Variants in MKLN1 observed in about 807,000 individuals in gnomAD.
MKLN1 encodes muskelin 1, also known as muskelin.
MKLN1 carries 18 observed loss-of-function variants against 99.0 expected under a neutral mutation model. That is an observed-to-expected ratio of 0.18 (90% CI 0.13 to 0.27). The LOEUF (loss-of-function observed/expected upper bound fraction) is 0.27, where lower values mean the gene tolerates loss of function less well. Ranked by LOEUF, MKLN1 falls within the 10% of genes least tolerant of loss-of-function variation. The pLI is 1.00. For synonymous variants in MKLN1, 288 were observed against 293.2 expected, an observed-to-expected ratio of 0.98 and a Z score of 0.18; for missense variants, 621 against 875.9, an observed-to-expected ratio of 0.71 and a Z score of 3.67.
chr7:131,181,494 A>G (rs1796376259), intron 2 of MKLN1, among the ~76,000 whole-genome samples: 1 of 152,098 alleles, frequency 6.6e-6, no homozygotes. Context: ...GATCAAGTGA[A>G]GCCAGGTGTT....
Position 131,399,341 on chromosome 7 carries a change from T to C in MKLN1, c.611T>C (p.Leu204Pro). Residue 204 changes from leucine to proline, a missense_variant, in exon 6 of 18, where the codon CTG (leucine) becomes CCG (proline). Coordinates refer to ENST00000352689, the MANE Select transcript of MKLN1 (RefSeq NM_013255.5). ...ESLQKKTKIA[L>P]EHPMLTDIHD... ...CTGCAAAAGAAAACCAAGATTGCAC[T>C]GGAACATCCCATGTTAACAGATATT... 1 of 1,614,016 alleles carries C rather than the reference T, an allele frequency of 6.2e-7. No individual in the cohort carries two copies. Among genetic ancestry groups the C allele is most frequent in the South Asian group, 1.1e-5 (1 of 91,076 alleles).
At chr7:131,181,002 A>C (rs531790444) in intron 2 of MKLN1, among the ~76,000 whole-genome samples, 1 of 152,336 alleles carries the variant, frequency 6.6e-6, no homozygotes, top group African/African-American at 2.4e-5. Context: ...GAGTACAGCA[A>C]CACCCTTACA....
At chr7:131,306,822 C>G (rs1798473916) in intron 3 of MKLN1, among the ~76,000 whole-genome samples, 1 of 152,218 alleles carries the variant, frequency 6.6e-6, no homozygotes, top group Non-Finnish European at 1.5e-5. Flanking sequence ...GGGAGAAATT[C>G]AAGCTGCCAG....
intron 3 of MKLN1, among the ~76,000 whole-genome samples, chr7:131,210,542 A>G (rs562050724): frequency 2.2e-4 from 33 of 147,498 alleles, no homozygotes; most frequent in African/African-American, 6.8e-4. Context: ...CAAAAAATAA[A>G]CATACAAAAA....
chr7:131,441,555 A>G (rs1202748017), intron 10 of MKLN1, among the ~76,000 whole-genome samples: 1 of 152,168 alleles, frequency 6.6e-6, no homozygotes, highest in East Asian at 1.9e-4. Flanking sequence ...ACAGAGTTTA[A>G]TAAGTTTACT....
intron 2 of MKLN1, among the ~76,000 whole-genome samples, chr7:131,166,590 T>C (rs1796128520): frequency 6.6e-6 from 1 of 152,136 alleles, no homozygotes; most frequent in South Asian, 2.1e-4. Context: ...GGGTCTGTCT[T>C]AGGGCCTTTC....
intron 3 of MKLN1, among the ~76,000 whole-genome samples, chr7:131,303,691 A>G (rs1411812852): frequency 6.6e-6 from 1 of 152,204 alleles, no homozygotes; most frequent in Non-Finnish European, 1.5e-5. Context: ...AGGATGCATG[A>G]ATTTGGTGAG....
intron 3 of MKLN1, among the ~76,000 whole-genome samples, chr7:131,246,095 T>G (rs1797483384): frequency 6.6e-6 from 1 of 152,214 alleles, no homozygotes. Flanking sequence ...TATAACCTCC[T>G]TGGGGATGTC....
rs139749508 is a variant in MKLN1, at chr7:131,204,959, G to A, written c.-179+1985G>A. The stretch of plus-strand genomic sequence containing the variant: ...AAAAAAAAAAAAAAATTAGCTGGGT[G>A]TGGTGGTGGGCACCTGTAACCCTAG... On this transcript the variant is annotated intron_variant, in intron 3 of 7. Transcript: ENST00000416992. 3.5e-5 allele frequency among the ~76,000 whole-genome samples: 5 copies of A among 144,316 alleles called. No individual in the cohort carries two copies. In the Admixed American group the frequency reaches 3.6e-4, roughly 10 times the overall value. 94.7% of individuals were successfully genotyped at this position (144,316 alleles called of 152,430 possible). A position where few individuals can be genotyped will look rare whatever the true frequency, so the allele number is the denominator to read the frequency against.
intron 2 of MKLN1, among the ~76,000 whole-genome samples, chr7:131,201,956 T>G (rs1034294343): frequency 2.0e-5 from 3 of 152,186 alleles, no homozygotes; most frequent in African/African-American, 7.2e-5. Context: ...CCTGTCTAAA[T>G]GTACTTATGT....
At chr7:131,400,518 A>AAAAAAATATAT (rs527702723) in intron 6 of MKLN1, among the ~76,000 whole-genome samples, 5 of 137,432 alleles carry the variant, frequency 3.6e-5, no homozygotes, top group South Asian at 4.5e-4. Context: ...ATAAAAAAAA[A>AAAAAAATATAT]ATATATATAT....
At chr7:131,293,974 A>G (rs1183792586) in intron 3 of MKLN1, among the ~76,000 whole-genome samples, 1 of 152,014 alleles carries the variant, frequency 6.6e-6, no homozygotes, top group Admixed American at 6.6e-5. Flanking sequence ...CAGGCTCTTT[A>G]GCAGGCATCC....
At chr7:131,381,644 T>G (rs1262067401) in intron 2 of MKLN1, among the ~76,000 whole-genome samples, 1 of 152,094 alleles carries the variant, frequency 6.6e-6, no homozygotes, top group Non-Finnish European at 1.5e-5. Flanking sequence ...CCACCACCAC[T>G]GCCATCATTT....
intron 3 of MKLN1, among the ~76,000 whole-genome samples, chr7:131,264,318 A>G (rs1372074663): frequency 2.0e-5 from 3 of 152,212 alleles, no homozygotes; most frequent in Non-Finnish European, 4.4e-5. Flanking sequence ...ATTAAGGAAG[A>G]GCATCTATTT....
intron 2 of MKLN1, among the ~76,000 whole-genome samples, chr7:131,196,546 G>T (rs774700770): frequency 6.6e-6 from 1 of 151,608 alleles, no homozygotes; most frequent in Non-Finnish European, 1.5e-5. Flanking sequence ...TTTCCAAAAC[G>T]GTGTGCTAAA....
chr7:131,487,599 T>C lies in MKLN1; in HGVS notation c.2087-8T>C. On this transcript the variant is annotated splice_polypyrimidine_tract_variant and splice_region_variant and intron_variant, in intron 17 of 17. Coordinates refer to ENST00000352689, the MANE Select transcript of MKLN1 (RefSeq NM_013255.5). This position sits in a 1 kb window ranked among gnomAD's most constrained non-coding sequence, Gnocchi z 4.7. Reference sequence around the variant, plus strand: ...ACAATGGATGTTTCTTTGTATCTTCTTCACCAGGCTTTTCTGATGTGGATC... The same window carrying C: ...ACAATGGATGTTTCTTTGTATCTTCCTCACCAGGCTTTTCTGATGTGGATC... 1.2e-6 allele frequency: 2 copies of C among 1,610,376 alleles called. No homozygotes were observed. The highest frequency in any genetic ancestry group is 1.7e-5 in the Admixed American group (1 of 59,412).
At chr7:131,262,356 G>C (rs954178272) in intron 3 of MKLN1, among the ~76,000 whole-genome samples, 2 of 151,892 alleles carry the variant, frequency 1.3e-5, no homozygotes, top group Non-Finnish European at 2.9e-5. Context: ...AGAATGGCTT[G>C]AACCCGGGAG....
chr7:131,150,358 G>A (rs1446818079), intron 2 of MKLN1, among the ~76,000 whole-genome samples: 1 of 152,096 alleles, frequency 6.6e-6, no homozygotes, highest in Non-Finnish European at 1.5e-5. Context: ...ATGGTGGTAT[G>A]CACCTGTAGT....
chr7:131,453,140 A>G (rs1796232953), intron 12 of MKLN1, among the ~76,000 whole-genome samples: 1 of 152,202 alleles, frequency 6.6e-6, no homozygotes. Context: ...GCTAGTTACA[A>G]GCTTACAAGA....
Sources: allele counts gnomAD v4.1 joint callset (sites outside exome capture counted in the v4.1 genomes callset), GRCh38; gene constraint gnomAD v4.1.1; non-coding constraint Gnocchi (gnomAD v3.1); transcripts MANE v1.5; gene names NCBI Gene and HGNC (gene_info 2026-07-23, HGNC 2026-07-21).